DNAJC13: variants seen among roughly 807,000 people sequenced by gnomAD.
DNAJC13 encodes the protein DnaJ heat shock protein family (Hsp40) member C13.
Under a neutral mutation model 290.5 loss-of-function variants are expected in DNAJC13, and 75 were observed. The observed-to-expected ratio is 0.26, with a 90% CI of 0.21 to 0.31. The LOEUF (loss-of-function observed/expected upper bound fraction) is 0.31, where lower values mean the gene tolerates loss of function less well. Among genes scored for constraint, DNAJC13 ranks in the 10% least tolerant of loss-of-function variants. The pLI is 1.00. For synonymous variants in DNAJC13, 862 were observed against 892.0 expected (o/e 0.97, Z 0.60); for missense variants, 2,260 against 2,674.5 (o/e 0.85, Z 3.42).
intron 29 of DNAJC13, among the ~76,000 whole-genome samples, chr3:132,485,927 T>C (rs1934856704): frequency 6.6e-6 from 1 of 152,208 alleles, no homozygotes; most frequent in Non-Finnish European, 1.5e-5. Flanking sequence ...TGCCAGTGAC[T>C]TGTGCCATTT....
At chr3:132,511,423 A>T (rs1935776906) in intron 44 of DNAJC13, among the ~76,000 whole-genome samples, 179 bp downstream of exon 44, 1 of 152,166 alleles carries the variant, frequency 6.6e-6, no homozygotes, top group Non-Finnish European at 1.5e-5. Flanking sequence ...CTGGGGAGAG[A>T]GGTCAAGGCA....
chr3:132,423,368 A>T (rs998595653), intron 1 of DNAJC13, among the ~76,000 whole-genome samples: 5 of 152,152 alleles, frequency 3.3e-5, no homozygotes, highest in Admixed American at 3.3e-4. Context: ...AATGGAGGAG[A>T]TGTTCTCTAA....
chr3:132,442,129 T>TA (rs35160310), intron 2 of DNAJC13, among the ~76,000 whole-genome samples: 25,492 of 143,586 alleles, frequency 0.18, 2,706 homozygotes, highest in East Asian at 0.52. Context: ...TGCCATATGT[T>TA]AAAAAAAAAA....
At chr3:132,482,386 G>T (rs1219347347) in intron 27 of DNAJC13, 56 bp downstream of exon 27, 1 of 1,375,352 alleles carries the variant, frequency 7.3e-7, no homozygotes, top group East Asian at 2.3e-5. Context: ...ATGCCCTCCT[G>T]CTTAGCACTT....
chr3:132,434,394 A>AC (rs1271953511), intron 1 of DNAJC13, 144 bp from the exon 2 acceptor site: 7 of 499,472 alleles, frequency 1.4e-5, no homozygotes, highest in African/African-American at 9.8e-5. Flanking sequence ...CAAAAAAAAA[A>AC]AAAACAAAAC....
intron 52 of DNAJC13, 84 bp downstream of exon 52, chr3:132,525,873 A>G (rs537910452): frequency 9.7e-6 from 14 of 1,445,820 alleles, no homozygotes; most frequent in South Asian, 6.8e-5. Context: ...GTAGTATTAT[A>G]TAAATCCCCT....
At chr3:132,478,312 A>C (rs1386037759) in intron 24 of DNAJC13, among the ~76,000 whole-genome samples, 172 bp downstream of exon 24, 1 of 152,152 alleles carries the variant, frequency 6.6e-6, no homozygotes, top group Non-Finnish European at 1.5e-5. Context: ...AGGAAAATGA[A>C]TAATGGGTTA....
rs1935338733 is a variant in DNAJC13 at position 132,499,308 on chromosome 3, G to C, written c.4339G>C (p.Glu1447Gln). The change falls in exon 37 of 56, where the codon GAG becomes CAG. Residue 1447 changes from glutamate (E) to glutamine (Q), a missense_variant and splice_region_variant. Physicochemically the swap from Glu to Gln is conservative, Grantham distance 29. This residue lies in a region of DNAJC13 where 1,494 missense variants were observed against 1,693.7 expected (regional missense o/e 0.88). Coordinates refer to ENST00000260818, the MANE Select transcript of DNAJC13 (RefSeq NM_015268.4). ...AEELRRENGL[E>Q]VLQEAFSRCV... ...AGAGCTCAGAAGAGAGAATGGACTA[G>C]AGGTAATACGGAGTGACCTTTGTGC... 6.3e-7 allele frequency: 1 copy of C among 1,592,826 alleles called. No homozygotes were observed.
chr3:132,420,869 C>T (rs1032174071), intron 1 of DNAJC13, among the ~76,000 whole-genome samples: 1 of 152,182 alleles, frequency 6.6e-6, no homozygotes, highest in Admixed American at 6.5e-5. Flanking sequence ...TCAATCTCTA[C>T]TCCTACACAA....
Position 132,505,327 on chromosome 3 carries a change from C to T in DNAJC13, c.4910C>T (p.Thr1637Ile), listed in dbSNP as rs151154884. Residue 1637 changes from threonine (T) to isoleucine (I), a missense_variant, in exon 42 of 56, where the codon ACA becomes ATA. Physicochemically the swap from Thr to Ile is moderately conservative, Grantham distance 89. Coordinates refer to ENST00000260818, the MANE Select transcript of DNAJC13 (RefSeq NM_015268.4). ...ATTTTGAAGATGCTTAACAGCAACA[C>T]AGAAAGTCCATATTTGATATGGAAC... ...TEILKMLNSN[T>I]ESPYLIWNNS... 6.2e-7 allele frequency: 1 copy of T among 1,608,538 alleles called. No homozygotes were observed. Among genetic ancestry groups the T allele is most frequent in the Non-Finnish European group, 8.5e-7 (1 of 1,177,130 alleles).
At chr3:132,428,925 G>T (rs1330376636) in intron 1 of DNAJC13, among the ~76,000 whole-genome samples, 1 of 151,934 alleles carries the variant, frequency 6.6e-6, no homozygotes, top group Non-Finnish European at 1.5e-5. Flanking sequence ...AGTAGAGACG[G>T]GGTTTCACCA....
intron 1 of DNAJC13, among the ~76,000 whole-genome samples, chr3:132,425,082 G>A (rs1939055530): frequency 6.6e-6 from 1 of 152,016 alleles, no homozygotes. Flanking sequence ...CTAATCTAGT[G>A]CTATGATTTA....
intron 20 of DNAJC13, among the ~76,000 whole-genome samples, chr3:132,471,073 C>T (rs1488073583): frequency 1.9e-3 from 246 of 126,288 alleles, no homozygotes; most frequent in East Asian, 3.2e-3. Context: ...GGGGCTTACC[C>T]CCCCACCTCC....
At chr3:132,436,160 C>T (rs1939379677) in intron 2 of DNAJC13, among the ~76,000 whole-genome samples, 1 of 152,140 alleles carries the variant, frequency 6.6e-6, no homozygotes, top group Non-Finnish European at 1.5e-5. Flanking sequence ...CTTTCATCAC[C>T]TCGCCTTCCC....
At chr3:132,440,121 G>T (rs1312051067) in intron 2 of DNAJC13, among the ~76,000 whole-genome samples, 5 of 152,194 alleles carry the variant, frequency 3.3e-5, no homozygotes, top group African/African-American at 1.2e-4. Context: ...ATCTGGTGTG[G>T]TGGCGCAGGC....
At chr3:132,534,299 T>G (rs905489974) in intron 55 of DNAJC13, among the ~76,000 whole-genome samples, 1 of 152,206 alleles carries the variant, frequency 6.6e-6, no homozygotes, top group Non-Finnish European at 1.5e-5. Context: ...CAATCTGGGA[T>G]GCTCTTTTTT....
At chr3:132,507,886 G>C (rs1296334487) in intron 43 of DNAJC13, among the ~76,000 whole-genome samples, 1 of 152,168 alleles carries the variant, frequency 6.6e-6, no homozygotes, top group East Asian at 1.9e-4. Flanking sequence ...TTAAAAGCTA[G>C]AAATGATTAA....
chr3:132,500,577 G>A (rs1004427311), intron 38 of DNAJC13, among the ~76,000 whole-genome samples: 1 of 152,102 alleles, frequency 6.6e-6, no homozygotes, highest in Non-Finnish European at 1.5e-5. Flanking sequence ...TTGGCCCATG[G>A]GTTGTAGTAG....
chr3:132,534,215 G>T (rs147764795), intron 55 of DNAJC13, among the ~76,000 whole-genome samples: 2 of 152,178 alleles, frequency 1.3e-5, no homozygotes, highest in African/African-American at 4.8e-5. Context: ...GCCTGCAGAC[G>T]TGTCCATGTA....
Sources: gnomAD v4.1 joint callset for allele counts (sites outside exome capture counted in the v4.1 genomes callset) on GRCh38, gnomAD v4.1.1 for gene constraint, gnomAD v4.1.1 regional missense constraint, MANE v1.5 for transcripts, NCBI Gene and HGNC (gene_info 2026-07-23, HGNC 2026-07-21) for gene names.